Variants in CNTNAP2 observed in about 807,000 individuals in gnomAD.
CNTNAP2 encodes the protein contactin associated protein 2.
Under a neutral mutation model 155.2 loss-of-function variants are expected in CNTNAP2, and 98 were observed. That is an observed-to-expected ratio of 0.63 (90% CI 0.54 to 0.75). CNTNAP2 has a LOEUF of 0.75. CNTNAP2 is among the 30% of genes least tolerant of loss of function. The pLI, the probability that CNTNAP2 is intolerant of heterozygous loss-of-function variation, is 0.00. For missense variants in CNTNAP2, 1,727 were observed against 1,688.1 expected (o/e 1.02, Z -0.40); for synonymous variants, 651 against 631.2 (o/e 1.03, Z -0.47).
chr7:147,957,466 A>G (rs10259631), intron 14 of CNTNAP2, among the ~76,000 whole-genome samples: 4,347 of 152,292 alleles, frequency 0.029, 189 homozygotes, highest in African/African-American at 0.098. Context: ...AGAAGTCAGC[A>G]TAACTAGAAT....
chr7:147,139,900 T>C (rs555639156), intron 8 of CNTNAP2, among the ~76,000 whole-genome samples: 34 of 152,204 alleles, frequency 2.2e-4, no homozygotes, highest in Non-Finnish European at 4.0e-4. Context: ...TTGGTAAACA[T>C]GGTATCAGGA....
intron 1 of CNTNAP2, among the ~76,000 whole-genome samples, chr7:146,266,785 G>T (rs1800000286): frequency 6.6e-6 from 1 of 151,394 alleles, no homozygotes; most frequent in South Asian, 2.1e-4. Flanking sequence ...TGACAAGAAA[G>T]ATGTGATGGA....
intron 16 of CNTNAP2, among the ~76,000 whole-genome samples, chr7:148,143,858 C>A (rs1367573905): frequency 6.6e-6 from 1 of 152,150 alleles, no homozygotes; most frequent in African/African-American, 2.4e-5. Flanking sequence ...TTCCTTATAA[C>A]TCACCAAAAG....
rs1282683390 is a variant in CNTNAP2, at chr7:146,483,298, T to A, written c.98-290973T>A. Among the ~76,000 whole-genome samples, 328 of 63,906 alleles carry A rather than the reference T, an allele frequency of 5.1e-3. 12 individuals carry two copies. Among genetic ancestry groups the A allele is most frequent in the African/African-American group, 0.03 (280 of 9,430 alleles). 41.9% of individuals were successfully genotyped at this position (63,906 alleles called of 152,430 possible). ...CTAAAAAAAAATATATATATATATA[T>A]ATATATATATATATATATATATATA... On this transcript the variant is annotated intron_variant, in intron 1 of 23. Coordinates refer to ENST00000361727, the MANE Select transcript of CNTNAP2 (RefSeq NM_014141.6).
At chr7:146,490,014 G>C (rs371837371) in intron 1 of CNTNAP2, among the ~76,000 whole-genome samples, 8 of 152,102 alleles carry the variant, frequency 5.3e-5, no homozygotes, top group African/African-American at 1.9e-4. Context: ...AGAAGAAAGC[G>C]CATCAAATGG....
At chr7:146,596,595 C>CAGAGAGAGAG (rs368697909) in intron 1 of CNTNAP2, among the ~76,000 whole-genome samples, 1,722 of 105,030 alleles carry the variant, frequency 0.016, 83 homozygotes, top group Non-Finnish European at 0.023. Flanking sequence ...AGAAGGGAGA[C>CAGAGAGAGAG]AGAGAGAGAG....
chr7:147,329,677 C>G (rs1268347344), intron 9 of CNTNAP2, among the ~76,000 whole-genome samples: 3 of 152,116 alleles, frequency 2.0e-5, no homozygotes, highest in Non-Finnish European at 4.4e-5. Context: ...CATATCTTCT[C>G]CAAACTCTGG....
intron 11 of CNTNAP2, among the ~76,000 whole-genome samples, chr7:147,514,986 AC>A (rs2116696048): frequency 6.6e-6 from 1 of 152,320 alleles, no homozygotes; most frequent in East Asian, 1.9e-4. Context: ...GTTAAAAACA[AC>A]AGCCTCCAAG....
chr7:146,728,267 G>T (rs1801466239), intron 1 of CNTNAP2, among the ~76,000 whole-genome samples: 1 of 152,104 alleles, frequency 6.6e-6, no homozygotes, highest in African/African-American at 2.4e-5. Context: ...AGATAAGAGT[G>T]GTATGGTCTG....
At chr7:146,624,920 A>G (rs941187899) in intron 1 of CNTNAP2, among the ~76,000 whole-genome samples, 2 of 151,984 alleles carry the variant, frequency 1.3e-5, no homozygotes, top group African/African-American at 4.8e-5. Context: ...TGATATTTTT[A>G]ACATGTTTTC....
rs1800015942 is a variant in CNTNAP2, at chr7:148,417,279, A to AACTT, written c.*1665_*1668dup. ...CTTTTTCAAGATTCTCAGTGTGCCT[A>AACTT]ACTTATTGGAGCACATCAGTTTCTT... On this transcript the variant is annotated 3_prime_UTR_variant, in exon 24 of 24. Coordinates refer to ENST00000361727, the MANE Select transcript of CNTNAP2 (RefSeq NM_014141.6). The AACTT allele has an allele frequency of 6.6e-6, 1 of 152,554 alleles. No individual in the cohort carries two copies. The highest frequency in any genetic ancestry group is 1.5e-5 in the Non-Finnish European group (1 of 68,024). The allele number at this position is 152,554 out of a possible 1,614,324, so 9.5% of individuals were successfully genotyped here. A position where few individuals can be genotyped will look rare whatever the true frequency, so the allele number is the denominator to read the frequency against.
At position 147,031,486 on chromosome 7, in the gene CNTNAP2, A is replaced by C. The variant is rs145994956; in HGVS notation, c.403-12421A>C. On this transcript the variant is annotated intron_variant, in intron 3 of 23. Transcript: ENST00000361727. ...CAATACAAAAATGGGTACAGGTTATAGTAAACTTAGACAATGAAATAGTAC... is the reference window on the plus strand; with the variant it reads ...CAATACAAAAATGGGTACAGGTTATCGTAAACTTAGACAATGAAATAGTAC... Among the ~76,000 whole-genome samples, 11 of 152,394 alleles carry C rather than the reference A, an allele frequency of 7.2e-5. No homozygotes were observed. The East Asian group carries it at 1.9e-3, about 27-fold the overall frequency.
chr7:146,671,906 C>T (rs1585035392), intron 1 of CNTNAP2, among the ~76,000 whole-genome samples: 2 of 152,136 alleles, frequency 1.3e-5, no homozygotes, highest in East Asian at 1.9e-4. Context: ...ACCTCCGCCG[C>T]CTGGGTTCAA....
intron 8 of CNTNAP2, among the ~76,000 whole-genome samples, chr7:147,236,632 T>C (rs902729765): frequency 5.9e-5 from 9 of 152,032 alleles, no homozygotes; most frequent in Non-Finnish European, 1.0e-4. Flanking sequence ...ATTGTCTAAA[T>C]TGAGAGTGCT....
intron 13 of CNTNAP2, among the ~76,000 whole-genome samples, chr7:147,775,822 G>A (rs1178831335): frequency 6.6e-6 from 1 of 152,070 alleles, no homozygotes; most frequent in Non-Finnish European, 1.5e-5. Flanking sequence ...TATCTTTAAG[G>A]TGTTACTGAC....
At chr7:147,236,908 T>A (rs1309662981) in intron 8 of CNTNAP2, among the ~76,000 whole-genome samples, 1 of 152,122 alleles carries the variant, frequency 6.6e-6, no homozygotes, top group African/African-American at 2.4e-5. Flanking sequence ...AACCTTACCC[T>A]GTGATTGCCA....
At chr7:146,897,506 G>A (rs886132574) in intron 3 of CNTNAP2, among the ~76,000 whole-genome samples, 4 of 152,042 alleles carry the variant, frequency 2.6e-5, no homozygotes, top group Non-Finnish European at 4.4e-5. Flanking sequence ...CGAGACCTAC[G>A]TTGTAGAATC....
chr7:146,869,460 G>A (rs1795265593), intron 3 of CNTNAP2, among the ~76,000 whole-genome samples: 3 of 152,034 alleles, frequency 2.0e-5, no homozygotes, highest in East Asian at 3.9e-4. Context: ...GAACTGAATA[G>A]GATGTATGTA....
At chr7:146,855,866 C>T (rs1294876489) in intron 3 of CNTNAP2, among the ~76,000 whole-genome samples, 1 of 131,922 alleles carries the variant, frequency 7.6e-6, no homozygotes, top group South Asian at 2.5e-4. Context: ...CACTTACATA[C>T]TACATGCTAA....
Sources: allele counts gnomAD v4.1 joint callset (sites outside exome capture counted in the v4.1 genomes callset), GRCh38; gene constraint gnomAD v4.1.1; transcripts MANE v1.5; gene names NCBI Gene and HGNC (gene_info 2026-07-23, HGNC 2026-07-21).